Variants in SYNE1 observed in about 807,000 individuals in gnomAD.
SYNE1 encodes the protein nesprin-1.
A neutral mutation model predicts 1,111.0 loss-of-function variants in SYNE1; 616 were observed. That is an observed-to-expected ratio of 0.55 (90% CI 0.52 to 0.59). The LOEUF is 0.59. Among genes scored for constraint, SYNE1 ranks in the 20% least tolerant of loss-of-function variants. The pLI is 0.00. For synonymous variants in SYNE1, 3,855 were observed against 3,825.8 expected (o/e 1.01, Z -0.28); for missense variants, 10,006 against 10,417.0 (o/e 0.96, Z 1.72).
At chr6:152,428,459 C>T in intron 36 of SYNE1, 67 bp from the exon 37 acceptor site, 2 of 1,529,606 alleles carry the variant, frequency 1.3e-6, no homozygotes, top group East Asian at 2.3e-5. Context: ...TTTTCTTTGA[C>T]ACCGATCATC....
intron 95 of SYNE1, among the ~76,000 whole-genome samples, chr6:152,292,826 CATTTTCCTACCT>C (rs1240439057): frequency 1.3e-5 from 2 of 152,222 alleles, no homozygotes; most frequent in African/African-American, 4.8e-5. Flanking sequence ...AGCCAGGCAG[CATTTTCCTACCT>C]CACGGTGATG....
intron 130 of SYNE1, among the ~76,000 whole-genome samples, chr6:152,169,167 A>G (rs1172863792): frequency 3.3e-5 from 5 of 152,170 alleles, no homozygotes; most frequent in African/African-American, 1.2e-4. Flanking sequence ...GTTCTTTCCA[A>G]AAAGGACTAC....
chr6:152,457,267 TG>T (rs1363719434), intron 22 of SYNE1, among the ~76,000 whole-genome samples: 1 of 152,176 alleles, frequency 6.6e-6, no homozygotes, highest in African/African-American at 2.4e-5. Context: ...ACTCAGGTAT[TG>T]TAGCCTTCAT....
Position 152,189,190 on chromosome 6 carries a change from G to A in SYNE1, c.23301+62C>T, listed in dbSNP as rs572689076. 6.7e-4 allele frequency: 1,061 copies of A among 1,589,610 alleles called. 6 individuals are homozygous for A. In the African/African-American group the frequency reaches 0.012, roughly 18 times the overall value. The stretch of plus-strand genomic sequence containing the variant: ...CCACATGTGGGTTAACCCATCTGAC[G>A]TTCAAATTCATCTCCCAATTTTCCA... On this transcript the variant is annotated intron_variant, in intron 128 of 145. Transcript: ENST00000367255.
chr6:152,626,859 A>T (rs1054870242), intron 3 of SYNE1, among the ~76,000 whole-genome samples: 4 of 152,216 alleles, frequency 2.6e-5, no homozygotes, highest in Non-Finnish European at 5.9e-5. Flanking sequence ...GTTCTGGGTC[A>T]TGAATACCCC....
chr6:152,233,874 G>A lies in SYNE1; in HGVS notation c.20619C>T (p.Asp6873=), dbSNP rs762253903. ...GNQLLRLKKV[D]TATLRSELSR... ...ACAGCTCAGAGCGCAGCGTGGCTGT[G>A]TCCACCTTTTTTAGTCGAAGGAGCT... The change falls in exon 112 of 146, where the codon GAC becomes GAT. Residue 6873 remains aspartate, a synonymous_variant. Transcript: ENST00000367255. 21 of 1,614,088 alleles carry A rather than the reference G, an allele frequency of 1.3e-5. No individual in the cohort carries two copies. In the Admixed American group the frequency reaches 3.0e-4, roughly 23 times the overall value.
At chr6:152,293,530 C>A (rs2153782324) in intron 95 of SYNE1, 58 bp downstream of exon 95, 2 of 1,596,962 alleles carry the variant, frequency 1.3e-6, no homozygotes, top group Non-Finnish European at 8.6e-7. Flanking sequence ...ACAGGCCAAC[C>A]AGTCACAACA....
intron 55 of SYNE1, among the ~76,000 whole-genome samples, chr6:152,384,753 C>A (rs1234587127): frequency 6.6e-6 from 1 of 152,010 alleles, no homozygotes; most frequent in Admixed American, 6.6e-5. Context: ...GTGGTCAGCA[C>A]CTGTAATCGC....
intron 78 of SYNE1, among the ~76,000 whole-genome samples, chr6:152,327,930 G>C (rs2096123205): frequency 6.6e-6 from 1 of 150,854 alleles, no homozygotes; most frequent in South Asian, 2.1e-4. Context: ...AGGTTAAAGT[G>C]TACTAGTTTT....
chr6:152,247,727 TTATATATATA>T (rs1183787546), intron 105 of SYNE1, among the ~76,000 whole-genome samples: 5 of 117,784 alleles, frequency 4.2e-5, no homozygotes, highest in African/African-American at 1.4e-4. Context: ...ATATTTTTTA[TTATATATATA>T]TATATATATA....
chr6:152,399,833 A>G lies in SYNE1; in HGVS notation c.7030-10T>C. ...GTTCTTTTTGTATATCCTACAGAAT[A>G]AAAGTATATTATGAAGGATATTCAT... On this transcript the variant is annotated splice_polypyrimidine_tract_variant and intron_variant, in intron 47 of 145. Transcript: ENST00000367255. The G allele has an allele frequency of 6.2e-7, 1 of 1,612,660 alleles. No homozygotes were observed. The highest frequency in any genetic ancestry group is 2.2e-5 in the East Asian group (1 of 44,860).
At chr6:152,145,357 A>C (rs1199498663) in intron 137 of SYNE1, 2 of 836,508 alleles carry the variant, frequency 2.4e-6, no homozygotes, top group African/African-American at 3.3e-5. Flanking sequence ...CTAGTACAGC[A>C]GTAAGAGAGG....
chr6:152,297,824 C>CGT lies in SYNE1; in HGVS notation c.17682+2816_17682+2817insAC, dbSNP rs1589532942. On this transcript the variant is annotated intron_variant, in intron 93 of 145. Coordinates refer to ENST00000367255, the MANE Select transcript of SYNE1 (RefSeq NM_182961.4). Reference sequence around the variant, plus strand: ...GTGTGTGTGTGTGTGTGTGTGTGTGCGCGCGCACGTGGCTCATGCCTACAG... The same window carrying CGT: ...GTGTGTGTGTGTGTGTGTGTGTGTGCGTGCGCGCACGTGGCTCATGCCTACAG... 6.8e-5 allele frequency among the ~76,000 whole-genome samples: 3 copies of CGT among 44,210 alleles called. No homozygotes were observed. The East Asian group carries it at 1.4e-3, about 20-fold the overall frequency. 29.0% of individuals were successfully genotyped at this position (44,210 alleles called of 152,430 possible).
intron 38 of SYNE1, among the ~76,000 whole-genome samples, chr6:152,426,722 A>G (rs2098363156): frequency 6.6e-6 from 1 of 152,236 alleles, no homozygotes; most frequent in Non-Finnish European, 1.5e-5. Flanking sequence ...GGCGGGAAAC[A>G]GTCAGTACAG....
chr6:152,502,877 G>T (rs1594147678), intron 9 of SYNE1, 135 bp from the exon 10 acceptor site: 5 of 705,274 alleles, frequency 7.1e-6, no homozygotes, highest in Non-Finnish European at 9.6e-6. Flanking sequence ...TAGAATTTTG[G>T]ACGGGGAGGA....
At chr6:152,362,433 G>A (rs2096949334) in intron 63 of SYNE1, 110 bp from the exon 64 acceptor site, 13 of 1,466,678 alleles carry the variant, frequency 8.9e-6, no homozygotes, top group Non-Finnish European at 1.2e-5. Flanking sequence ...AAGAGATCAG[G>A]AAGAAGCTTG....
intron 18 of SYNE1, 88 bp from the exon 19 acceptor site, chr6:152,463,605 T>C: frequency 8.8e-7 from 1 of 1,136,344 alleles, no homozygotes; most frequent in African/African-American, 1.5e-5. Flanking sequence ...AAAAATATTT[T>C]TGTTTTAACA....
chr6:152,334,413 G>T, intron 76 of SYNE1, 140 bp from the exon 77 acceptor site: 1 of 965,580 alleles, frequency 1.0e-6, no homozygotes, highest in Non-Finnish European at 1.5e-6. Flanking sequence ...AATAAGTTAT[G>T]GGAAACAAAG....
rs530482177 is a variant in SYNE1, at chr6:152,451,567, C to T, written c.3028-362G>A. 1.6e-4 allele frequency among the ~76,000 whole-genome samples: 24 copies of T among 148,938 alleles called. No homozygotes were observed. In the South Asian group the frequency reaches 3.4e-3, roughly 21 times the overall value. On this transcript the variant is annotated intron_variant, in intron 25 of 145. Transcript: ENST00000367255. Reference sequence around the variant, plus strand: ...GTGCGATCTTGGCTCACTGCAACCTCCACATCCTGGGTTCAAGCGATTCTC... The same window carrying T: ...GTGCGATCTTGGCTCACTGCAACCTTCACATCCTGGGTTCAAGCGATTCTC...
Sources: allele counts gnomAD v4.1 joint callset (sites outside exome capture counted in the v4.1 genomes callset), GRCh38; gene constraint gnomAD v4.1.1; transcripts MANE v1.5; gene names NCBI Gene and HGNC (gene_info 2026-07-23, HGNC 2026-07-21).